KAZN: variants seen among roughly 807,000 people sequenced by gnomAD.
KAZN encodes the protein kazrin, periplakin interacting protein, also known as kazrin.
In KAZN, 40 loss-of-function variants were observed where a neutral mutation model predicts 87.4. The ratio of observed to expected loss-of-function variants is 0.46; its 90% confidence interval spans 0.36 to 0.60. The LOEUF (loss-of-function observed/expected upper bound fraction) is 0.60, where lower values mean the gene tolerates loss of function less well. Ranked by LOEUF, KAZN falls within the 20% of genes least tolerant of loss-of-function variation. KAZN has a pLI of 0.00. For missense variants in KAZN, 898 were observed against 1,073.9 expected, an observed-to-expected ratio of 0.84 and a Z score of 2.29; for synonymous variants, 466 against 458.3, an observed-to-expected ratio of 1.02 and a Z score of -0.22.
intron 1 of KAZN, among the ~76,000 whole-genome samples, chr1:14,932,780 CTT>C (rs75037734): frequency 0.094 from 13,870 of 148,306 alleles, 2,037 homozygotes; most frequent in African/African-American, 0.31. Context: ...GAACCCTGCA[CTT>C]TTTTTTTTTA....
At chr1:14,568,126 A>C (rs901992818) in intron 2 of KAZN, among the ~76,000 whole-genome samples, 1 of 152,206 alleles carries the variant, frequency 6.6e-6, no homozygotes, top group African/African-American at 2.4e-5. Flanking sequence ...AGCCCTTTCA[A>C]AGAGGATCCG....
At chr1:14,349,786 G>C (rs1238280580) in intron 2 of KAZN, among the ~76,000 whole-genome samples, 1 of 152,154 alleles carries the variant, frequency 6.6e-6, no homozygotes, top group Non-Finnish European at 1.5e-5. Flanking sequence ...TGGCCTGGCA[G>C]GCTAAAGAGC....
rs374661208 is a variant in KAZN, at chr1:14,755,694, T to C, written c.226+156471T>C. Among the ~76,000 whole-genome samples the C allele has an allele frequency of 4.7e-4, 71 of 150,996 alleles. 1 individual carries two copies. Among genetic ancestry groups the C allele is most frequent in the African/African-American group, 1.7e-3 (70 of 41,482 alleles). ...TGTGGAGGGCAGCCCCTTCCTGGCC[T>C]GGACACCCTCTGTGCCCAGGGCTCC... On this transcript the variant is annotated intron_variant, in intron 1 of 14. Transcript: ENST00000376030.
At chr1:14,314,676 A>G (rs1655533638) in intron 2 of KAZN, among the ~76,000 whole-genome samples, 1 of 152,148 alleles carries the variant, frequency 6.6e-6, no homozygotes, top group Non-Finnish European at 1.5e-5. Flanking sequence ...TTATTAAGAT[A>G]CAATTTACCT....
chr1:14,174,459 G>A (rs757371298), intron 1 of KAZN, among the ~76,000 whole-genome samples: 3 of 152,168 alleles, frequency 2.0e-5, no homozygotes, highest in Non-Finnish European at 4.4e-5. Flanking sequence ...CCTATCTAAG[G>A]CTAACAGGTG....
intron 1 of KAZN, among the ~76,000 whole-genome samples, chr1:14,103,053 G>T (rs572761025): frequency 3.3e-4 from 50 of 152,070 alleles, no homozygotes; most frequent in African/African-American, 4.8e-4. Flanking sequence ...AGCAGATGAG[G>T]TTATAGGTGT....
At chr1:15,111,825 T>C (rs973755924) in intron 13 of KAZN, 1 of 154,322 alleles carries the variant, frequency 6.5e-6, no homozygotes, top group Non-Finnish European at 1.4e-5. Context: ...TGAGTTCCAA[T>C]AAAACTTTAT....
chr1:14,653,363 T>C (rs1468589494), intron 1 of KAZN, among the ~76,000 whole-genome samples: 1 of 152,040 alleles, frequency 6.6e-6, no homozygotes, highest in African/African-American at 2.4e-5. Flanking sequence ...AGGGTAGCAA[T>C]AAGTGGCAGT....
At chr1:15,037,100 CTGT>C (rs1450026745) in intron 3 of KAZN, among the ~76,000 whole-genome samples, 2 of 152,164 alleles carry the variant, frequency 1.3e-5, no homozygotes, top group Non-Finnish European at 2.9e-5. Flanking sequence ...GCCTCCCCTT[CTGT>C]GTCCACCTCT....
chr1:14,489,889 C>A (rs1053657137), intron 2 of KAZN, among the ~76,000 whole-genome samples: 2 of 151,860 alleles, frequency 1.3e-5, no homozygotes, highest in African/African-American at 4.8e-5. Flanking sequence ...AATAAATATT[C>A]TTGTGTATAA....
chr1:13,978,775 G>T (rs868437978), intron 1 of KAZN, among the ~76,000 whole-genome samples: 1 of 151,238 alleles, frequency 6.6e-6, no homozygotes, highest in East Asian at 1.9e-4. Context: ...TGTGTAGATA[G>T]AATCCCAGAA....
chr1:14,731,610 G>T (rs781100854), intron 1 of KAZN, among the ~76,000 whole-genome samples: 20 of 152,160 alleles, frequency 1.3e-4, no homozygotes, highest in Non-Finnish European at 2.6e-4. Context: ...CATAATCTTT[G>T]CAGGCCACAT....
At chr1:14,071,980 T>C (rs1643264845) in intron 1 of KAZN, among the ~76,000 whole-genome samples, 1 of 152,218 alleles carries the variant, frequency 6.6e-6, no homozygotes. Flanking sequence ...TGGTGGCTCT[T>C]TGTTTAGGGT....
chr1:13,955,699 C>T (rs1641519136), intron 1 of KAZN, among the ~76,000 whole-genome samples: 1 of 152,240 alleles, frequency 6.6e-6, no homozygotes, highest in East Asian at 1.9e-4. Context: ...AATTTTCTAC[C>T]CTTTTGGGGC....
chr1:14,536,860 T>C (rs922324030), intron 2 of KAZN, among the ~76,000 whole-genome samples: 2 of 151,744 alleles, frequency 1.3e-5, no homozygotes, highest in African/African-American at 4.8e-5. Context: ...CCAGCCTGGG[T>C]GACACAAGCG....
intron 2 of KAZN, among the ~76,000 whole-genome samples, chr1:14,569,164 A>G (rs927437570): frequency 6.6e-6 from 1 of 152,162 alleles, no homozygotes; most frequent in Non-Finnish European, 1.5e-5. Flanking sequence ...TTGTGTAACA[A>G]TAATAGTTGT....
At chr1:14,593,361 G>A (rs991474382) in intron 2 of KAZN, among the ~76,000 whole-genome samples, 4 of 152,160 alleles carry the variant, frequency 2.6e-5, no homozygotes, top group African/African-American at 9.7e-5. Context: ...GGAGCAGAAA[G>A]CAGAATGGGA....
chr1:14,606,886 A>C (rs1677409469), intron 1 of KAZN, among the ~76,000 whole-genome samples: 1 of 152,156 alleles, frequency 6.6e-6, no homozygotes, highest in African/African-American at 2.4e-5. Context: ...GAAGTTGCCA[A>C]ATGTCCCCTT....
intron 13 of KAZN, among the ~76,000 whole-genome samples, chr1:15,111,271 T>TTTGTTG (rs1283093849): frequency 1.4e-5 from 2 of 147,588 alleles, no homozygotes; most frequent in Admixed American, 6.7e-5. Flanking sequence ...GTTGTTGTTG[T>TTTGTTG]TTGTTGTTGT....
Sources: gnomAD v4.1 joint callset for allele counts (sites outside exome capture counted in the v4.1 genomes callset) on GRCh38, gnomAD v4.1.1 for gene constraint, MANE v1.5 for transcripts, NCBI Gene and HGNC (gene_info 2026-07-23, HGNC 2026-07-21) for gene names.